The following COL21A1 variants were observed in gnomAD, a reference collection of about 807,000 sequenced individuals.
The protein encoded by COL21A1 is collagen type XXI alpha 1 chain.
In COL21A1, 149 loss-of-function variants were observed where a neutral mutation model predicts 137.9. The observed-to-expected ratio is 1.08, with a 90% CI of 0.95 to 1.24. The LOEUF (loss-of-function observed/expected upper bound fraction) is 1.24. COL21A1 is among the 50% of genes most tolerant of loss of function. The probability of loss-of-function intolerance (pLI) is 0.00; values close to 1 mark genes in which losing one functional copy is unlikely to be tolerated. For missense variants in COL21A1, 1,167 were observed against 1,158.4 expected (o/e 1.01, Z -0.11); for synonymous variants, 456 against 391.5 (o/e 1.16, Z -1.95).
chr6:56,350,063 A>C (rs1464098325), intron 1 of COL21A1, among the ~76,000 whole-genome samples: 3 of 152,224 alleles, frequency 2.0e-5, no homozygotes, highest in Non-Finnish European at 4.4e-5. Context: ...GTCTGCTCAA[A>C]ATGGCAGCTT....
chr6:56,174,072 C>A (rs1368729721), intron 3 of COL21A1, among the ~76,000 whole-genome samples: 1 of 151,982 alleles, frequency 6.6e-6, no homozygotes, highest in Non-Finnish European at 1.5e-5. Context: ...AATTAAATAG[C>A]ACACTTTTGA....
intron 17 of COL21A1, among the ~76,000 whole-genome samples, chr6:56,097,710 G>A (rs570644195): frequency 7.2e-6 from 1 of 139,454 alleles, no homozygotes; most frequent in Non-Finnish European, 1.5e-5. Context: ...AAGCAGCCAT[G>A]GGAAAGGAAA....
chr6:56,076,533 G>T (rs1436434059), intron 18 of COL21A1, among the ~76,000 whole-genome samples: 1 of 151,040 alleles, frequency 6.6e-6, no homozygotes, highest in East Asian at 1.9e-4. Context: ...GAGACTTCAA[G>T]AACAAAAAGT....
chr6:56,368,835 T>C (rs553342659), intron 1 of COL21A1, among the ~76,000 whole-genome samples: 7 of 152,352 alleles, frequency 4.6e-5, no homozygotes, highest in Non-Finnish European at 1.0e-4. Context: ...TTTAATCTTC[T>C]ACAGCAGTCT....
At chr6:56,207,732 A>T (rs901554158) in intron 1 of COL21A1, among the ~76,000 whole-genome samples, 3 of 152,206 alleles carry the variant, frequency 2.0e-5, no homozygotes, top group Non-Finnish European at 1.5e-5. Context: ...ACACAACAAA[A>T]AAAGAAAATT....
In COL21A1 at chr6:56,268,295, G is replaced by A. The variant is rs201782520; in HGVS notation, c.-38-85639C>T. Among the ~76,000 whole-genome samples the A allele has an allele frequency of 1.1e-4, 17 of 152,212 alleles. No homozygotes were observed. In the East Asian group the frequency reaches 1.5e-3, roughly 14 times the overall value. On this transcript the variant is annotated intron_variant, in intron 1 of 28. Coordinates refer to the COL21A1 transcript ENST00000370819. The stretch of plus-strand genomic sequence containing the variant: ...TCTACCCAAAGTAGCCCCACAGCCC[G>A]GAACATCTAATAAAGGAAACATGGG...
At chr6:56,197,156 T>C (rs146478890) in intron 1 of COL21A1, among the ~76,000 whole-genome samples, 2 of 152,188 alleles carry the variant, frequency 1.3e-5, no homozygotes, top group Non-Finnish European at 2.9e-5. Flanking sequence ...GAAAACTAGA[T>C]ATCCATGTGG....
intron 5 of COL21A1, among the ~76,000 whole-genome samples, chr6:56,168,922 A>G (rs747926072): frequency 4.6e-5 from 7 of 151,978 alleles, no homozygotes; most frequent in African/African-American, 1.4e-4. Flanking sequence ...GGGTCCTATA[A>G]TTCTAATACT....
At chr6:56,062,172 A>C (rs1159821728) in intron 24 of COL21A1, among the ~76,000 whole-genome samples, 1 of 152,282 alleles carries the variant, frequency 6.6e-6, no homozygotes, top group South Asian at 2.1e-4. Context: ...CTAGTAAGAC[A>C]GAAAACTCCC....
In COL21A1 at chr6:56,168,537, A is replaced by G. The variant is rs538826187; in HGVS notation, c.1027-240T>C. ...CAAAGAAACTGTCAAACAACTTACTAAAGCAACTACCTCAAAATCATAAAT... is the reference window on the plus strand; with the variant it reads ...CAAAGAAACTGTCAAACAACTTACTGAAGCAACTACCTCAAAATCATAAAT... On this transcript the variant is annotated intron_variant, in intron 5 of 29. Transcript: ENST00000244728. 6.8e-4 allele frequency among the ~76,000 whole-genome samples: 103 copies of G among 152,118 alleles called. 1 individual carries two copies. The highest frequency in any genetic ancestry group is 1.0e-3 in the Non-Finnish European group (68 of 67,954).
chr6:56,337,837 C>A (rs922561381), intron 1 of COL21A1, among the ~76,000 whole-genome samples: 1 of 152,176 alleles, frequency 6.6e-6, no homozygotes, highest in Non-Finnish European at 1.5e-5. Flanking sequence ...AATTTAAAAG[C>A]CTTACCTAGA....
intron 1 of COL21A1, among the ~76,000 whole-genome samples, chr6:56,192,272 T>C (rs1373820881): frequency 2.0e-5 from 3 of 152,102 alleles, no homozygotes; most frequent in Non-Finnish European, 4.4e-5. Flanking sequence ...GGCAATACCA[T>C]TCAGGACATA....
In COL21A1 at chr6:56,300,444, A is replaced by G. The variant is rs565355644; in HGVS notation, c.-39+93527T>C. ...TGCTTACTTTATTTTAAAAATTTAAATTAGACATTTTTTGTCCTGGAATGT... is the reference window on the plus strand; with the variant it reads ...TGCTTACTTTATTTTAAAAATTTAAGTTAGACATTTTTTGTCCTGGAATGT... On this transcript the variant is annotated intron_variant, in intron 1 of 28. Transcript: ENST00000370819. Among the ~76,000 whole-genome samples, 14 of 152,290 alleles carry G rather than the reference A, an allele frequency of 9.2e-5. No individual in the cohort carries two copies. The East Asian group carries it at 2.7e-3, about 29-fold the overall frequency.
At chr6:56,363,562 G>A (rs551470954) in intron 1 of COL21A1, among the ~76,000 whole-genome samples, 1 of 152,354 alleles carries the variant, frequency 6.6e-6, no homozygotes, top group Admixed American at 6.5e-5. Context: ...AGGTGATTGT[G>A]TGTTTCAGAA....
chr6:56,193,382 G>T (rs993083325), intron 1 of COL21A1, among the ~76,000 whole-genome samples: 2 of 151,932 alleles, frequency 1.3e-5, no homozygotes, highest in African/African-American at 2.4e-5. Flanking sequence ...ACTGTTATAG[G>T]AAACAACATG....
intron 12 of COL21A1, among the ~76,000 whole-genome samples, chr6:56,129,699 T>TGTGTGTGTGTGTGTGTGTGA (rs1450514214): frequency 3.3e-5 from 4 of 120,440 alleles, no homozygotes; most frequent in African/African-American, 1.2e-4. Flanking sequence ...TGTGTGTGTG[T>TGTGTGTGTGTGTGTGTGTGA]GAGAGAGAGA....
chr6:56,103,191 G>A (rs977178372), intron 16 of COL21A1, among the ~76,000 whole-genome samples: 1 of 151,988 alleles, frequency 6.6e-6, no homozygotes, highest in African/African-American at 2.4e-5. Context: ...TAAAATTTCA[G>A]GCCATACTGC....
chr6:56,284,872 G>A (rs1271565537), intron 1 of COL21A1, among the ~76,000 whole-genome samples: 1 of 152,064 alleles, frequency 6.6e-6, no homozygotes, highest in African/African-American at 2.4e-5. Context: ...TGGGTCCATG[G>A]ACATGGTTTT....
At chr6:56,244,065 T>C (rs1325605196) in intron 1 of COL21A1, among the ~76,000 whole-genome samples, 5 of 152,158 alleles carry the variant, frequency 3.3e-5, no homozygotes, top group Non-Finnish European at 5.9e-5. Context: ...CTGACCTTAA[T>C]AGTAAAACCA....
Sources: gnomAD v4.1 joint callset for allele counts (sites outside exome capture counted in the v4.1 genomes callset) on GRCh38, gnomAD v4.1.1 for gene constraint, MANE v1.5 for transcripts, NCBI Gene and HGNC (gene_info 2026-07-23, HGNC 2026-07-21) for gene names.